The following LMLN variants were observed in gnomAD, a reference collection of about 807,000 sequenced individuals.
LMLN encodes leishmanolysin like peptidase.
In LMLN, 70 loss-of-function variants were observed where a neutral mutation model predicts 92.3. That is an observed-to-expected ratio of 0.76 (90% CI 0.63 to 0.92). The LOEUF is 0.92. Among genes scored for constraint, LMLN ranks in the 40% least tolerant of loss-of-function variants. The pLI, the probability that LMLN is intolerant of heterozygous loss-of-function variation, is 0.00. For synonymous variants in LMLN, 308 were observed against 296.2 expected (o/e 1.04, Z -0.41); for missense variants, 691 against 814.6 (o/e 0.85, Z 1.85).
intron 11 of LMLN, among the ~76,000 whole-genome samples, chr3:198,013,757 C>T (rs1256832343): frequency 1.6e-5 from 2 of 124,984 alleles, no homozygotes; most frequent in Admixed American, 1.5e-4. Flanking sequence ...TGACTTCTCT[C>T]CACCCTTCAG....
chr3:197,995,285 T>G (rs1721986291), intron 9 of LMLN, among the ~76,000 whole-genome samples: 1 of 152,212 alleles, frequency 6.6e-6, no homozygotes, highest in Admixed American at 6.5e-5. Flanking sequence ...ACTGTGCAGT[T>G]ACTGGTAAGG....
intron 14 of LMLN, among the ~76,000 whole-genome samples, chr3:198,028,431 C>T (rs1722994304): frequency 6.6e-6 from 1 of 152,126 alleles, no homozygotes; most frequent in South Asian, 2.1e-4. Context: ...TAAATAATTG[C>T]TGAGACTAAC....
At chr3:198,017,710 A>G (rs999327701) in intron 11 of LMLN, among the ~76,000 whole-genome samples, 1 of 152,152 alleles carries the variant, frequency 6.6e-6, no homozygotes, top group Non-Finnish European at 1.5e-5. Flanking sequence ...CGAGGTCCAG[A>G]GATTGAGACC....
intron 6 of LMLN, among the ~76,000 whole-genome samples, chr3:197,981,993 C>T (rs1205457814): frequency 6.6e-6 from 1 of 152,042 alleles, no homozygotes; most frequent in East Asian, 1.9e-4. Context: ...TTAATAGAGA[C>T]AGGGCTTTCA....
At chr3:197,965,007 CAAAAA>C (rs954254964) in intron 1 of LMLN, among the ~76,000 whole-genome samples, 26 of 91,052 alleles carry the variant, frequency 2.9e-4, no homozygotes, top group African/African-American at 9.2e-4. Flanking sequence ...AACTCTGTCT[CAAAAA>C]AAAAAAAAAA....
At chr3:197,984,722 G>A (rs1262897958) in intron 7 of LMLN, among the ~76,000 whole-genome samples, 10 of 151,400 alleles carry the variant, frequency 6.6e-5, no homozygotes, top group South Asian at 4.2e-4. Flanking sequence ...GTGTTGAGAT[G>A]AGAGGGGTGA....
chr3:198,008,080 C>A (rs1177473636), intron 11 of LMLN, among the ~76,000 whole-genome samples: 1 of 152,016 alleles, frequency 6.6e-6, no homozygotes, highest in Non-Finnish European at 1.5e-5. Flanking sequence ...TGGAGTAAAC[C>A]CCACTTGGTG....
At chr3:198,017,979 G>T (rs1482441927) in intron 11 of LMLN, among the ~76,000 whole-genome samples, 4 of 152,174 alleles carry the variant, frequency 2.6e-5, no homozygotes, top group Admixed American at 6.5e-5. Flanking sequence ...TACATGATTA[G>T]TGGCTACCAT....
intron 12 of LMLN, among the ~76,000 whole-genome samples, chr3:198,020,768 ATTTTTTTTTTTTTTTTTTT>A (rs71166715): frequency 3.0e-5 from 1 of 32,860 alleles, no homozygotes; most frequent in Non-Finnish European, 5.4e-5. Flanking sequence ...TAATTTTTGT[ATTTTTTTTTTTTTTTTTTT>A]TTTTTTTTTT....
intron 11 of LMLN, among the ~76,000 whole-genome samples, chr3:198,012,911 C>T (rs1175008746): frequency 8.0e-6 from 1 of 125,552 alleles, no homozygotes; most frequent in Non-Finnish European, 1.6e-5. Context: ...TCTCTGTACC[C>T]TTCAGAGTCC....
Position 197,990,665 on chromosome 3 carries a change from C to T in LMLN, c.1036C>T (p.Pro346Ser), listed in dbSNP as rs759381088. The change falls in exon 9 of 16, where the codon CCT (proline) becomes TCT (serine). Residue 346 changes from proline to serine, a missense_variant. Pro to Ser is a moderately conservative substitution (Grantham distance 74). This residue lies in a region of LMLN where 352 missense variants were observed against 443.6 expected (regional missense o/e 0.79). Transcript: ENST00000330198. ...TCACACTGTGTATCTCCTGGTAACG[C>T]CTCGTGTTGTTGTAAGTATTATCAG... 4 of 1,530,422 alleles carry T rather than the reference C, an allele frequency of 2.6e-6. No individual in the cohort carries two copies. The East Asian group carries it at 9.0e-5, about 34-fold the overall frequency. The allele number at this position is 1,530,422 out of a possible 1,614,324, so 94.8% of individuals were successfully genotyped here.
intron 8 of LMLN, among the ~76,000 whole-genome samples, chr3:197,988,360 C>T (rs779101116): frequency 3.0e-4 from 45 of 150,776 alleles, no homozygotes; most frequent in Non-Finnish European, 5.2e-4. Context: ...AATTATTATT[C>T]GATTTCTTTA....
chr3:197,960,709 G>T (rs1720842213), intron 1 of LMLN, among the ~76,000 whole-genome samples: 1 of 152,168 alleles, frequency 6.6e-6, no homozygotes. Flanking sequence ...GTGCATCACA[G>T]TCACCCGACG....
intron 14 of LMLN, among the ~76,000 whole-genome samples, chr3:198,029,804 CA>C (rs975307874): frequency 1.2e-4 from 18 of 152,152 alleles, no homozygotes; most frequent in African/African-American, 4.3e-4. Context: ...GTGGAGGAGT[CA>C]GGGGAGACTT....
intron 11 of LMLN, among the ~76,000 whole-genome samples, chr3:198,000,342 A>G (rs1722136369): frequency 6.6e-6 from 1 of 152,256 alleles, no homozygotes; most frequent in Non-Finnish European, 1.5e-5. Context: ...AATTAATGGT[A>G]GAGGTGCTAT....
chr3:198,008,339 TAGTA>T (rs776298659), intron 11 of LMLN, among the ~76,000 whole-genome samples: 21 of 152,272 alleles, frequency 1.4e-4, no homozygotes, highest in Middle Eastern at 6.8e-3. Context: ...TAAAAAATAA[TAGTA>T]AGAAGAAAAT....
chr3:197,977,987 T>C (rs935468099), intron 5 of LMLN, among the ~76,000 whole-genome samples: 3 of 149,084 alleles, frequency 2.0e-5, no homozygotes, highest in Non-Finnish European at 3.0e-5. Flanking sequence ...AATCTGGAAG[T>C]ACACACACGT....
chr3:197,966,545 G>GT (rs57088133), intron 1 of LMLN, among the ~76,000 whole-genome samples: 3,526 of 141,554 alleles, frequency 0.025, 92 homozygotes, highest in East Asian at 0.1. Context: ...TTTTCTAAGA[G>GT]TTTTTTTTTT....
intron 9 of LMLN, among the ~76,000 whole-genome samples, chr3:197,994,430 A>T (rs1161045969): frequency 1.3e-5 from 2 of 152,180 alleles, no homozygotes; most frequent in Admixed American, 6.5e-5. Context: ...CAGCCCATTT[A>T]AAAAAATGGG....
Sources: allele counts gnomAD v4.1 joint callset (sites outside exome capture counted in the v4.1 genomes callset), GRCh38; gene constraint gnomAD v4.1.1; regional missense constraint gnomAD v4.1.1; transcripts MANE v1.5; gene names NCBI Gene and HGNC (gene_info 2026-07-23, HGNC 2026-07-21).